The following ACKR3 variants were observed in gnomAD, a reference collection of about 807,000 sequenced individuals.
The protein encoded by ACKR3 is C-X-C chemokine receptor type 7.
ACKR3 carries 6 observed loss-of-function variants against 22.4 expected under a neutral mutation model. The ratio of observed to expected loss-of-function variants is 0.27; its 90% CI spans 0.15 to 0.53. The LOEUF is 0.53. Among genes scored for constraint, ACKR3 ranks in the 20% least tolerant of loss-of-function variants. ACKR3 has a pLI of 0.96. For synonymous variants in ACKR3, 209 were observed against 205.2 expected, an observed-to-expected ratio of 1.02 and a Z score of -0.16; for missense variants, 396 against 475.2, an observed-to-expected ratio of 0.83 and a Z score of 1.55.
At chr2:236,572,790 G>A (rs780703477) in intron 1 of ACKR3, among the ~76,000 whole-genome samples, 13 of 152,208 alleles carry the variant, frequency 8.5e-5, no homozygotes, top group Non-Finnish European at 1.0e-4. Context: ...GTTTCTGGAC[G>A]TGGGATTTAT....
the ACKR3 span, among the ~76,000 whole-genome samples, chr2:236,550,650 T>C: frequency 3.9e-5 from 6 of 152,160 alleles, no homozygotes; most frequent in African/African-American, 9.7e-5. This position sits in a 1 kb window ranked among gnomAD's most constrained non-coding sequence, Gnocchi z 4.6. Flanking sequence ...CCTGACATCT[T>C]GTCGCTGAGC....
At chr2:236,566,207 G>A (rs1218056114), upstream of ACKR3, among the ~76,000 whole-genome samples, 1 of 152,230 alleles carries the variant, frequency 6.6e-6, no homozygotes, top group Non-Finnish European at 1.5e-5. Flanking sequence ...CACCTGCCCT[G>A]TGGGGCGTGC....
At chr2:236,549,157 G>T in the ACKR3 span, among the ~76,000 whole-genome samples, 3 of 152,112 alleles carry the variant, frequency 2.0e-5, no homozygotes, top group South Asian at 6.2e-4. This position sits in a 1 kb window ranked among gnomAD's most constrained non-coding sequence, Gnocchi z 5.3. Flanking sequence ...CACTTTTCAG[G>T]TCCAGGTCTC....
chr2:236,578,456 C>T (rs781564738), intron 1 of ACKR3, among the ~76,000 whole-genome samples: 4 of 152,212 alleles, frequency 2.6e-5, no homozygotes, highest in East Asian at 3.9e-4. Context: ...CCAGGCCTCC[C>T]GCTGCAGGAC....
At chr2:236,565,230 T>C (rs141528892), upstream of ACKR3, among the ~76,000 whole-genome samples, 4 of 152,236 alleles carry the variant, frequency 2.6e-5, no homozygotes, top group Non-Finnish European at 4.4e-5. Flanking sequence ...GGCTCTATTA[T>C]AATTATAAAG....
At chr2:236,550,916 C>T in the ACKR3 span, among the ~76,000 whole-genome samples, 1 of 152,194 alleles carries the variant, frequency 6.6e-6, no homozygotes, top group Non-Finnish European at 1.5e-5. The surrounding 1 kb of genome is among the most constrained non-coding windows in gnomAD (Gnocchi z 4.6). Flanking sequence ...TGACTCTTAC[C>T]TTTCTATTTC....
chr2:236,575,665 G>A (rs1193730722), intron 1 of ACKR3, among the ~76,000 whole-genome samples: 3 of 119,960 alleles, frequency 2.5e-5, no homozygotes, highest in African/African-American at 3.8e-5. Context: ...TGTGCTGTGT[G>A]TGCGTTTCTG....
rs1472086247 is a variant in ACKR3, at chr2:236,574,217, A to G, written c.-27+4293A>G. ...AACACCAGCTCGGTGACGATTTCAG[A>G]AAAGTCTCTCCTGGACGCCCGTCTC... On this transcript the variant is annotated intron_variant, in intron 1 of 1. Transcript: ENST00000272928. The surrounding 1 kb of genome is among the most constrained non-coding windows in gnomAD (Gnocchi z 5.6). Among the ~76,000 whole-genome samples the G allele has an allele frequency of 6.6e-6, 1 of 152,050 alleles. No homozygotes were observed. The highest frequency in any genetic ancestry group is 1.5e-5 in the Non-Finnish European group (1 of 68,000).
intron 1 of ACKR3, among the ~76,000 whole-genome samples, chr2:236,575,068 A>G (rs766138556): frequency 1.3e-5 from 2 of 152,128 alleles, no homozygotes; most frequent in African/African-American, 2.4e-5. Context: ...GAAAAAGGGA[A>G]TGAAAGCTGA....
chr2:236,571,327 A>C (rs1196724830), intron 1 of ACKR3, among the ~76,000 whole-genome samples: 3 of 152,172 alleles, frequency 2.0e-5, no homozygotes, highest in African/African-American at 7.2e-5. Context: ...CACAACCTCC[A>C]GGAGATTGGG....
chr2:236,539,692 A>G, the ACKR3 span, among the ~76,000 whole-genome samples: 23 of 152,124 alleles, frequency 1.5e-4, no homozygotes, highest in Admixed American at 9.2e-4. Context: ...ACCTAATAGT[A>G]TAATTGCTGG....
rs976305395 is a variant in ACKR3, at chr2:236,582,317, G to C, written c.*763G>C. The stretch of plus-strand genomic sequence containing the variant: ...TTCAGAGAGTTCTCTCAATTTGTAA[G>C]TTATTTTTTTTTAATAAAGATTTTT... On this transcript the variant is annotated 3_prime_UTR_variant, in exon 2 of 2. Coordinates refer to ENST00000272928, the MANE Select transcript of ACKR3 (RefSeq NM_020311.3). 6.0e-6 allele frequency: 1 copy of C among 166,942 alleles called. No homozygotes were observed. Among genetic ancestry groups the C allele is most frequent in the Non-Finnish European group, 1.5e-5 (1 of 68,102 alleles). 10.3% of individuals were successfully genotyped at this position (166,942 alleles called of 1,614,324 possible).
At chr2:236,554,807 C>T in the ACKR3 span, among the ~76,000 whole-genome samples, 1 of 152,208 alleles carries the variant, frequency 6.6e-6, no homozygotes, top group Non-Finnish European at 1.5e-5. Context: ...CTCTGGCACC[C>T]TCTCCTGTCA....
chr2:236,564,485 G>A (rs373318682), upstream of ACKR3, among the ~76,000 whole-genome samples: 1 of 152,174 alleles, frequency 6.6e-6, no homozygotes, highest in African/African-American at 2.4e-5. Flanking sequence ...GGCAACAGGG[G>A]CAAACTCAGG....
chr2:236,556,071 G>A, the ACKR3 span, among the ~76,000 whole-genome samples: 1 of 152,168 alleles, frequency 6.6e-6, no homozygotes, highest in African/African-American at 2.4e-5. Context: ...GGTGAGGAGG[G>A]TGTCCAGGGT....
At chr2:236,542,190 A>T in the ACKR3 span, among the ~76,000 whole-genome samples, 1 of 152,214 alleles carries the variant, frequency 6.6e-6, no homozygotes, top group African/African-American at 2.4e-5. Flanking sequence ...CAAGAGACAG[A>T]TTGCACTGTC....
At chr2:236,571,495 T>A (rs1405754050) in intron 1 of ACKR3, among the ~76,000 whole-genome samples, 1 of 152,142 alleles carries the variant, frequency 6.6e-6, no homozygotes, top group Non-Finnish European at 1.5e-5. Flanking sequence ...AGCATGCCTG[T>A]GCGACACACG....
the ACKR3 span, among the ~76,000 whole-genome samples, chr2:236,538,934 C>T: frequency 6.6e-5 from 10 of 152,142 alleles, no homozygotes; most frequent in African/African-American, 1.7e-4. Context: ...AAAGTAGGCG[C>T]GGACAGGCTG....
At chr2:236,549,736 C>T in the ACKR3 span, among the ~76,000 whole-genome samples, 5 of 152,180 alleles carry the variant, frequency 3.3e-5, no homozygotes, top group Non-Finnish European at 5.9e-5. The surrounding 1 kb of genome is among the most constrained non-coding windows in gnomAD (Gnocchi z 5.3). Flanking sequence ...CGAGCCACCA[C>T]GGACCTGCCC....
Sources: allele counts gnomAD v4.1 joint callset (sites outside exome capture counted in the v4.1 genomes callset), GRCh38; gene constraint gnomAD v4.1.1; non-coding constraint Gnocchi (gnomAD v3.1); transcripts MANE v1.5; gene names NCBI Gene and HGNC (gene_info 2026-07-23, HGNC 2026-07-21).